Variants in ZNF12 observed in about 807,000 individuals in gnomAD.
The protein encoded by ZNF12 is gonadotropin inducible transcription repressor 3.
Under a neutral mutation model 66.6 loss-of-function variants are expected in ZNF12, and 34 were observed. That is an observed-to-expected ratio of 0.51 (90% CI 0.39 to 0.68). The LOEUF is 0.68. Ranked by LOEUF, ZNF12 falls within the 30% of genes least tolerant of loss-of-function variation. The probability of loss-of-function intolerance (pLI) is 0.00; values close to 1 mark genes in which losing one functional copy is unlikely to be tolerated. For missense variants in ZNF12, 697 were observed against 826.9 expected (o/e 0.84, Z 1.93); for synonymous variants, 320 against 278.9 (o/e 1.15, Z -1.47).
rs758995858 is a variant in ZNF12, at chr7:6,706,399, T to G, written c.-51+33A>C. On this transcript the variant is annotated intron_variant, in intron 1 of 4. Coordinates refer to ENST00000405858, the MANE Select transcript of ZNF12 (RefSeq NM_016265.4). Reference sequence around the variant, plus strand: ...ACACGCGGTGACTTCACCCAGGCCCTTCTCGCCCCGGGCCCGCAAACCCAC... The same window carrying G: ...ACACGCGGTGACTTCACCCAGGCCCGTCTCGCCCCGGGCCCGCAAACCCAC... The G allele has an allele frequency of 1.3e-5, 6 of 463,942 alleles. No individual in the cohort carries two copies. The Admixed American group carries it at 1.4e-4, about 11-fold the overall frequency. 28.7% of individuals were successfully genotyped at this position (463,942 alleles called of 1,614,324 possible).
chr7:6,688,720 A>G lies in ZNF12; in HGVS notation c.*2128T>C, dbSNP rs1374943371. 6.6e-6 allele frequency: 1 copy of G among 152,250 alleles called. No individual in the cohort carries two copies. Among genetic ancestry groups the G allele is most frequent in the Non-Finnish European group, 1.5e-5 (1 of 68,034 alleles). 9.4% of individuals were successfully genotyped at this position (152,250 alleles called of 1,614,324 possible). ...CAGCTCAGTGGTAAAGCAGTAAACC[A>G]ATCAGATGCTTAGCTATCAAGTAAT... On this transcript the variant is annotated 3_prime_UTR_variant, in exon 5 of 5. Transcript: ENST00000405858. The surrounding 1 kb of genome is among the most constrained non-coding windows in gnomAD (Gnocchi z 4.3).
Position 6,692,768 on chromosome 7 carries a change from A to C in ZNF12, c.239-65T>G, listed in dbSNP as rs1780094598. On this transcript the variant is annotated intron_variant, in intron 4 of 4. Coordinates refer to ENST00000405858, the MANE Select transcript of ZNF12 (RefSeq NM_016265.4). This position sits in a 1 kb window ranked among gnomAD's most constrained non-coding sequence, Gnocchi z 5.1. Reference sequence around the variant, plus strand: ...CTATATATATATGATATGGAATGAGATTCATGATTTGTACACACGCATCTC... The same window carrying C: ...CTATATATATATGATATGGAATGAGCTTCATGATTTGTACACACGCATCTC... The C allele has an allele frequency of 1.4e-6, 2 of 1,458,578 alleles. No homozygotes were observed. The highest frequency in any genetic ancestry group is 2.8e-5 in the African/African-American group (2 of 70,256). 90.4% of individuals were successfully genotyped at this position (1,458,578 alleles called of 1,614,324 possible).
chr7:6,706,419 AC>A lies in ZNF12; in HGVS notation c.-51+12del, dbSNP rs1375774635. 1 of 471,926 alleles carries A rather than the reference AC, an allele frequency of 2.1e-6. No homozygotes were observed. The highest frequency in any genetic ancestry group is 4.2e-6 in the Non-Finnish European group (1 of 237,096). The allele number at this position is 471,926 out of a possible 1,614,324, so 29.2% of individuals were successfully genotyped here. ...GGCCCTTCTCGCCCCGGGCCCGCAA[AC>A]CCACGACTTACCCTCCTGGGGCTCC... is the stretch of plus-strand genomic sequence containing the variant. On this transcript the variant is annotated intron_variant, in intron 1 of 4. Coordinates refer to ENST00000405858, the MANE Select transcript of ZNF12 (RefSeq NM_016265.4).
rs1780042132 is a variant in ZNF12, at chr7:6,690,080, T to C, written c.*768A>G. On this transcript the variant is annotated 3_prime_UTR_variant, in exon 5 of 5. Transcript: ENST00000405858. ...GACTCAGATACAGTTGAAAACATTATAAAAGCATTGGTCCTTTAGAGCTGA... is the reference window on the plus strand; with the variant it reads ...GACTCAGATACAGTTGAAAACATTACAAAAGCATTGGTCCTTTAGAGCTGA... The C allele has an allele frequency of 6.6e-6, 1 of 152,250 alleles. No individual in the cohort carries two copies. Among genetic ancestry groups the C allele is most frequent in the Non-Finnish European group, 1.5e-5 (1 of 68,044 alleles). The allele number at this position is 152,250 out of a possible 1,614,324, so 9.4% of individuals were successfully genotyped here. A position where few individuals can be genotyped will look rare whatever the true frequency, so the allele number is the denominator to read the frequency against.
At chr7:6,706,408 CG>C (rs1301705328) in intron 1 of ZNF12, 23 bp downstream of exon 1, 2 of 467,886 alleles carry the variant, frequency 4.3e-6, no homozygotes, top group East Asian at 1.3e-4. Context: ...CTTCTCGCCC[CG>C]GGCCCGCAAA....
intron 1 of ZNF12, 62 bp downstream of exon 1, chr7:6,706,370 C>T: frequency 2.2e-6 from 1 of 456,124 alleles, no homozygotes; most frequent in Non-Finnish European, 4.4e-6. Context: ...CTCTAAGGTG[C>T]CCTACACGCG....
chr7:6,693,916 C>T (rs907001081), intron 4 of ZNF12, among the ~76,000 whole-genome samples: 1 of 152,092 alleles, frequency 6.6e-6, no homozygotes, highest in African/African-American at 2.4e-5. Flanking sequence ...GCCTGTAATC[C>T]CAGCACTTTG....
At chr7:6,700,319 A>ACACACACACACACACACACACACACG (rs1780218231) in intron 2 of ZNF12, among the ~76,000 whole-genome samples, 1 of 146,890 alleles carries the variant, frequency 6.8e-6, no homozygotes, top group Non-Finnish European at 1.5e-5. Context: ...ACACACACAC[A>ACACACACACACACACACACACACACG]CACACACACA....
Position 6,697,470 on chromosome 7 carries a change from G to T in ZNF12, c.143-36C>A. On this transcript the variant is annotated intron_variant, in intron 3 of 4. Coordinates refer to ENST00000405858, the MANE Select transcript of ZNF12 (RefSeq NM_016265.4). The surrounding 1 kb of genome is among the most constrained non-coding windows in gnomAD (Gnocchi z 6.1). ...GAAATGAAAGAGAACTTGAGCCCAGGCCGGTTGGCTTCAGGGTCTCTGTCA... is the reference window on the plus strand; with the variant it reads ...GAAATGAAAGAGAACTTGAGCCCAGTCCGGTTGGCTTCAGGGTCTCTGTCA... 1.3e-6 allele frequency: 2 copies of T among 1,591,850 alleles called. No homozygotes were observed. Among genetic ancestry groups the T allele is most frequent in the African/African-American group, 1.3e-5 (1 of 74,584 alleles).
rs759166319 is a variant in ZNF12 at position 6,706,548 on chromosome 7, C to G, written c.-167G>C. 2 of 470,624 alleles carry G rather than the reference C, an allele frequency of 4.2e-6. No homozygotes were observed. The highest frequency in any genetic ancestry group is 2.3e-5 in the Admixed American group (1 of 43,862). 29.2% of individuals were successfully genotyped at this position (470,624 alleles called of 1,614,324 possible). A position where few individuals can be genotyped will look rare whatever the true frequency, so the allele number is the denominator to read the frequency against. ...TCCTGTCCACCTCACCAAGGCCGTT[C>G]TGCTCCAGAGGGGCCCGGGCCGGGC... is the stretch of plus-strand genomic sequence containing the variant. On this transcript the variant is annotated 5_prime_UTR_variant, in exon 1 of 5. Coordinates refer to ENST00000405858, the MANE Select transcript of ZNF12 (RefSeq NM_016265.4).
Position 6,697,548 on chromosome 7 carries a change from A to G in ZNF12, c.143-114T>C. The G allele has an allele frequency of 6.6e-7, 1 of 1,511,428 alleles. No individual in the cohort carries two copies. Among genetic ancestry groups the G allele is most frequent in the Non-Finnish European group, 9.1e-7 (1 of 1,102,942 alleles). The allele number at this position is 1,511,428 out of a possible 1,614,324, so 93.6% of individuals were successfully genotyped here. A position where few individuals can be genotyped will look rare whatever the true frequency, so the allele number is the denominator to read the frequency against. On this transcript the variant is annotated intron_variant, in intron 3 of 4. Transcript: ENST00000405858. The surrounding 1 kb of genome is among the most constrained non-coding windows in gnomAD (Gnocchi z 6.1). Reference sequence around the variant, plus strand: ...TCAAAATCAGAACTTTTCACGGGGGAGATCAAGACCAAAATGCCCTGCCTG... The same window carrying G: ...TCAAAATCAGAACTTTTCACGGGGGGGATCAAGACCAAAATGCCCTGCCTG...
At chr7:6,703,941 C>G (rs1342219949) in intron 2 of ZNF12, among the ~76,000 whole-genome samples, 1 of 152,156 alleles carries the variant, frequency 6.6e-6, no homozygotes, top group Non-Finnish European at 1.5e-5. Flanking sequence ...GGGACAGGAC[C>G]AAGACCACAG....
Position 6,690,900 on chromosome 7 carries a change from C to G in ZNF12, c.2042G>C (p.Arg681Thr). 1 of 1,613,924 alleles carries G rather than the reference C, an allele frequency of 6.2e-7. No homozygotes were observed. Among genetic ancestry groups the G allele is most frequent in the Non-Finnish European group, 8.5e-7 (1 of 1,179,906 alleles). Residue 681 changes from arginine (R) to threonine (T), a missense_variant, in exon 5 of 5, where the codon AGA (arginine) becomes ACA (threonine). Arg to Thr is a moderately conservative substitution (Grantham distance 71). Coordinates refer to ENST00000405858, the MANE Select transcript of ZNF12 (RefSeq NM_016265.4). Reference sequence around the variant, plus strand: ...ATTCATATTGCCTCTCCTATGAATTCTCTGATGGCTGTTGAATGCTGATTT... The same window carrying G: ...ATTCATATTGCCTCTCCTATGAATTGTCTGATGGCTGTTGAATGCTGATTT... The part of the protein sequence containing the change: ...YHKSAFNSHQ[R>T]IHRRGNMNVI...
At chr7:6,703,639 A>G (rs1780295011) in intron 2 of ZNF12, among the ~76,000 whole-genome samples, 1 of 152,198 alleles carries the variant, frequency 6.6e-6, no homozygotes, top group Admixed American at 6.5e-5. Context: ...ACACACTCCA[A>G]AGAAATGCTA....
intron 2 of ZNF12, among the ~76,000 whole-genome samples, chr7:6,700,086 C>T (rs1218455543): frequency 1.3e-5 from 2 of 151,368 alleles, no homozygotes; most frequent in Non-Finnish European, 2.9e-5. Flanking sequence ...GAAATCGAGA[C>T]CATCCTGGCT....
In ZNF12 at chr7:6,692,543, T is replaced by G; in HGVS notation, c.399A>C (p.Ile133=). 6.2e-7 allele frequency: 1 copy of G among 1,613,876 alleles called. No homozygotes were observed. The highest frequency in any genetic ancestry group is 8.5e-7 in the Non-Finnish European group (1 of 1,179,844). ...AGTCACAGAGGCTATTTTTATAGGCTATTTTTCTTGAAGGAACAGGGTTCG... is the reference window on the plus strand; with the variant it reads ...AGTCACAGAGGCTATTTTTATAGGCGATTTTTCTTGAAGGAACAGGGTTCG... ...VETNPVPSRK[I]AYKNSLCDSC... The change falls in exon 5 of 5, where the codon ATA becomes ATC. Residue 133 remains isoleucine, a synonymous_variant. Coordinates refer to ENST00000405858, the MANE Select transcript of ZNF12 (RefSeq NM_016265.4). The surrounding 1 kb of genome is among the most constrained non-coding windows in gnomAD (Gnocchi z 5.1).
Position 6,705,247 on chromosome 7 carries a change from T to C in ZNF12, c.-50-24A>G, listed in dbSNP as rs780277348. On this transcript the variant is annotated intron_variant, in intron 1 of 4. Transcript: ENST00000405858. The surrounding 1 kb of genome is among the most constrained non-coding windows in gnomAD (Gnocchi z 4.0). ...ATCTGGGGAAGGAAAACCCAAGCCA[T>C]GGCGTTATGAGCGGTCTGGCCTGCC... The C allele has an allele frequency of 1.9e-6, 3 of 1,596,350 alleles. No individual in the cohort carries two copies. Among genetic ancestry groups the C allele is most frequent in the East Asian group, 4.5e-5 (2 of 44,758 alleles).
In ZNF12 at chr7:6,692,774, G is replaced by T; in HGVS notation, c.239-71C>A. The stretch of plus-strand genomic sequence containing the variant: ...ATATATGATATGGAATGAGATTCAT[G>T]ATTTGTACACACGCATCTCATTGTG... On this transcript the variant is annotated intron_variant, in intron 4 of 4. Coordinates refer to ENST00000405858, the MANE Select transcript of ZNF12 (RefSeq NM_016265.4). This position sits in a 1 kb window ranked among gnomAD's most constrained non-coding sequence, Gnocchi z 5.1. 7.0e-7 allele frequency: 1 copy of T among 1,424,480 alleles called. No individual in the cohort carries two copies. Among genetic ancestry groups the T allele is most frequent in the South Asian group, 1.5e-5 (1 of 68,840 alleles). 88.2% of individuals were successfully genotyped at this position (1,424,480 alleles called of 1,614,324 possible). A position where few individuals can be genotyped will look rare whatever the true frequency, so the allele number is the denominator to read the frequency against.
In ZNF12 at chr7:6,692,707, A is replaced by T. The variant is rs1256615023; in HGVS notation, c.239-4T>A. The T allele has an allele frequency of 1.3e-6, 2 of 1,551,992 alleles. No homozygotes were observed. Among genetic ancestry groups the T allele is most frequent in the Non-Finnish European group, 1.7e-6 (2 of 1,155,860 alleles). On this transcript the variant is annotated splice_polypyrimidine_tract_variant and splice_region_variant and intron_variant, in intron 4 of 4. Transcript: ENST00000405858. The surrounding 1 kb of genome is among the most constrained non-coding windows in gnomAD (Gnocchi z 5.1). Reference sequence around the variant, plus strand: ...TCATCAGTTTGCCAGACTTCATCTAAAGAGAGACAAAATTAATAAACTTTT... The same window carrying T: ...TCATCAGTTTGCCAGACTTCATCTATAGAGAGACAAAATTAATAAACTTTT...
Sources: allele counts gnomAD v4.1 joint callset (sites outside exome capture counted in the v4.1 genomes callset), GRCh38; gene constraint gnomAD v4.1.1; non-coding constraint Gnocchi (gnomAD v3.1); transcripts MANE v1.5; gene names NCBI Gene and HGNC (gene_info 2026-07-23, HGNC 2026-07-21).